The following ITPRID2 variants were observed in gnomAD, a reference collection of about 807,000 sequenced individuals.
ITPRID2 encodes the protein protein ITPRID2.
A neutral mutation model predicts 124.3 loss-of-function variants in ITPRID2; 60 were observed. The ratio of observed to expected loss-of-function variants is 0.48; its 90% CI spans 0.39 to 0.60. The LOEUF (loss-of-function observed/expected upper bound fraction) is 0.60. Among genes scored for constraint, ITPRID2 ranks in the 20% least tolerant of loss-of-function variants. The pLI is 0.00. For synonymous variants in ITPRID2, 521 were observed against 542.9 expected (o/e 0.96, Z 0.56); for missense variants, 1,553 against 1,512.2 (o/e 1.03, Z -0.45).
intron 7 of ITPRID2, among the ~76,000 whole-genome samples, chr2:181,901,383 A>T (rs796769326): frequency 2.6e-5 from 4 of 152,312 alleles, no homozygotes; most frequent in African/African-American, 9.6e-5. Context: ...TCACCCTGCA[A>T]ATTAGGTATA....
Position 181,901,797 on chromosome 2 carries a change from T to C in ITPRID2, c.744T>C (p.Thr248=), listed in dbSNP as rs1327676337. Residue 248 remains threonine, a synonymous_variant, in exon 8 of 18, where the codon ACT becomes ACC. Coordinates refer to ENST00000431877, the MANE Select transcript of ITPRID2 (RefSeq NM_001130445.3). ...TTCGTCAAATTGAAGTGCTTACTACTGTGGCCAATGCGTTTTCTTCTTTAT... is the reference window on the plus strand; with the variant it reads ...TTCGTCAAATTGAAGTGCTTACTACCGTGGCCAATGCGTTTTCTTCTTTAT... The part of the protein sequence containing the change: ...SRFRQIEVLT[T]VANAFSSLYS... The C allele has an allele frequency of 2.5e-6, 4 of 1,613,180 alleles. No individual in the cohort carries two copies. The highest frequency in any genetic ancestry group is 3.4e-6 in the Non-Finnish European group (4 of 1,179,578).
chr2:181,894,893 A>G (rs1383550845), intron 2 of ITPRID2, among the ~76,000 whole-genome samples: 1 of 152,158 alleles, frequency 6.6e-6, no homozygotes, highest in Non-Finnish European at 1.5e-5. Flanking sequence ...CAGTAGAGAC[A>G]TCTGTGGACA....
Position 181,892,936 on chromosome 2 carries a change from T to C in ITPRID2, c.257+276T>C, listed in dbSNP as rs1691884867. 1.8e-6 allele frequency: 1 copy of C among 541,328 alleles called. No homozygotes were observed. The highest frequency in any genetic ancestry group is 1.9e-5 in the African/African-American group (1 of 53,182). The allele number at this position is 541,328 out of a possible 1,614,324, so 33.5% of individuals were successfully genotyped here. On this transcript the variant is annotated intron_variant, in intron 2 of 17. Coordinates refer to ENST00000431877, the MANE Select transcript of ITPRID2 (RefSeq NM_001130445.3). This position sits in a 1 kb window ranked among gnomAD's most constrained non-coding sequence, Gnocchi z 5.2. Reference sequence around the variant, plus strand: ...ATCAGAAATCCAGAACAGATAATCATGCCATATTTGTTCTGTTTTTATTTG... The same window carrying C: ...ATCAGAAATCCAGAACAGATAATCACGCCATATTTGTTCTGTTTTTATTTG...
chr2:181,929,450 T>C lies in ITPRID2; in HGVS notation c.*14-111T>C, dbSNP rs143563789. The C allele has an allele frequency of 4.6e-3, 2,892 of 623,862 alleles. 20 individuals carry two copies. Among genetic ancestry groups the C allele is most frequent in the Non-Finnish European group, 5.9e-3 (2,147 of 365,070 alleles). The allele number at this position is 623,862 out of a possible 1,614,324, so 38.6% of individuals were successfully genotyped here. Reference sequence around the variant, plus strand: ...AAGATGTATAGAGATTACAGGATAATCATGTTTCTGTGTATATATATTTGC... The same window carrying C: ...AAGATGTATAGAGATTACAGGATAACCATGTTTCTGTGTATATATATTTGC... On this transcript the variant is annotated intron_variant, in intron 17 of 17. Transcript: ENST00000431877.
chr2:181,900,801 A>T lies in ITPRID2; in HGVS notation c.609A>T (p.Arg203Ser). 6.2e-7 allele frequency: 1 copy of T among 1,613,294 alleles called. No individual in the cohort carries two copies. Among genetic ancestry groups the T allele is most frequent in the Non-Finnish European group, 8.5e-7 (1 of 1,179,626 alleles). The change falls in exon 7 of 18, where the codon AGA (arginine) becomes AGT (serine). Residue 203 changes from arginine (R) to serine (S), a missense_variant. By Grantham distance (110) the Arg-to-Ser change is moderately radical. Coordinates refer to ENST00000431877, the MANE Select transcript of ITPRID2 (RefSeq NM_001130445.3). ...EPDIASKIPS[R>S]FFNSSSFAKG... ...ATATTGCTTCTAAAATTCCTTCCAG[A>T]TTTTTTAATTCATCATCCTTTGCCA...
At chr2:181,920,461 A>G in intron 14 of ITPRID2, 136 bp from the exon 15 acceptor site, 1 of 544,038 alleles carries the variant, frequency 1.8e-6, no homozygotes, top group Non-Finnish European at 3.0e-6. Context: ...GGATGCTTCC[A>G]GGCACTAATT....
At chr2:181,898,406 T>C (rs1692385003) in intron 4 of ITPRID2, among the ~76,000 whole-genome samples, 1 of 152,046 alleles carries the variant, frequency 6.6e-6, no homozygotes, top group Non-Finnish European at 1.5e-5. Context: ...TTTCATGTTA[T>C]ATGTGTGAAA....
At position 181,919,266 on chromosome 2, in the gene ITPRID2, C is replaced by G. The variant is rs1181501716; in HGVS notation, c.2994-30C>G. The G allele has an allele frequency of 1.9e-6, 3 of 1,609,936 alleles. No individual in the cohort carries two copies. In the African/African-American group the frequency reaches 4.0e-5, roughly 22 times the overall value. Reference sequence around the variant, plus strand: ...TTAGGAATCTCCAAACTGCATTTTTCCAATTTTGTGCCCTTCACCATACCA... The same window carrying G: ...TTAGGAATCTCCAAACTGCATTTTTGCAATTTTGTGCCCTTCACCATACCA... On this transcript the variant is annotated intron_variant, in intron 13 of 17. Transcript: ENST00000431877. The surrounding 1 kb of genome is among the most constrained non-coding windows in gnomAD (Gnocchi z 4.2).
chr2:181,900,669 T>C, intron 6 of ITPRID2, 27 bp from the exon 7 acceptor site: 1 of 1,502,272 alleles, frequency 6.7e-7, no homozygotes, highest in Non-Finnish European at 9.1e-7. Flanking sequence ...ATTTTCATGT[T>C]TCCTTTTTTG....
rs1317090234 is a variant in ITPRID2, at chr2:181,905,814, TTAAAA to T, written c.1413+3352_1413+3356del. 1.3e-5 allele frequency among the ~76,000 whole-genome samples: 2 copies of T among 152,316 alleles called. No homozygotes were observed. The highest frequency in any genetic ancestry group is 2.4e-5 in the African/African-American group (1 of 41,570). ...ATTTTTCTATGTTTATTGGTCTGAGTTAAAATAATCCCACATCAGTCAGATATTTG... is the reference window on the plus strand; with the variant it reads ...ATTTTTCTATGTTTATTGGTCTGAGTTAATCCCACATCAGTCAGATATTTG... On this transcript the variant is annotated intron_variant, in intron 8 of 17. Transcript: ENST00000431877. This position sits in a 1 kb window ranked among gnomAD's most constrained non-coding sequence, Gnocchi z 4.1.
intron 16 of ITPRID2, among the ~76,000 whole-genome samples, chr2:181,923,126 A>G (rs1391991691): frequency 6.6e-6 from 1 of 152,230 alleles, no homozygotes; most frequent in Non-Finnish European, 1.5e-5. Context: ...AGAACTGCAA[A>G]AGGAAATTAC....
intron 17 of ITPRID2, among the ~76,000 whole-genome samples, chr2:181,928,847 C>T (rs982881856): frequency 6.6e-6 from 1 of 151,952 alleles, no homozygotes; most frequent in Non-Finnish European, 1.5e-5. Flanking sequence ...GGGATGGTCT[C>T]GATCTCCTGA....
rs761312508 is a variant in ITPRID2 at position 181,913,926 on chromosome 2, A to G, written c.1568A>G (p.His523Arg). 7.3e-5 allele frequency: 117 copies of G among 1,611,444 alleles called. No individual in the cohort carries two copies. The highest frequency in any genetic ancestry group is 9.7e-5 in the Non-Finnish European group (114 of 1,179,082). ...EDSTDCLSLN[H>R]LQVQESLQAM... ...TCTACAGACTGCCTATCCCTTAATC[A>G]TCTTCAGGTAAAATTTTCTGTTCTA... The change falls in exon 10 of 18, where the codon CAT becomes CGT. Residue 523 changes from histidine to arginine, a missense_variant. Physicochemically the swap from His to Arg is conservative, Grantham distance 29. Coordinates refer to ENST00000431877, the MANE Select transcript of ITPRID2 (RefSeq NM_001130445.3).
intron 2 of ITPRID2, among the ~76,000 whole-genome samples, chr2:181,895,377 C>T (rs1237637270): frequency 2.0e-5 from 3 of 152,008 alleles, no homozygotes; most frequent in African/African-American, 7.2e-5. Context: ...AATGGCTAAT[C>T]TTAATGTTGA....
rs556067486 is a variant in ITPRID2 at position 181,918,854 on chromosome 2, G to C, written c.2965G>C (p.Val989Leu). ...ELAMLRQQTM[V>L]YHHMTEEERF... ...GGCAATGCTGCGTCAGCAAACCATG[G>C]TTTATCATCATATGACTGAGGAGGA... is the stretch of plus-strand genomic sequence containing the variant. The change falls in exon 13 of 18, where the codon GTT becomes CTT. Residue 989 changes from valine to leucine, a missense_variant. Physicochemically the swap from Val to Leu is conservative, Grantham distance 32. Coordinates refer to ENST00000431877, the MANE Select transcript of ITPRID2 (RefSeq NM_001130445.3). 1 of 1,614,156 alleles carries C rather than the reference G, an allele frequency of 6.2e-7. No homozygotes were observed. The highest frequency in any genetic ancestry group is 2.2e-5 in the East Asian group (1 of 44,870).
rs529211171 is a variant in ITPRID2 at position 181,925,564 on chromosome 2, T to C, written c.3676-2597T>C. On this transcript the variant is annotated intron_variant, in intron 16 of 17. Transcript: ENST00000431877. ...TCTGCTTTCTCTTCCTTTTTGTGTCTGATATTGTCTCTCACCCTTGTGCTT... is the reference window on the plus strand; with the variant it reads ...TCTGCTTTCTCTTCCTTTTTGTGTCCGATATTGTCTCTCACCCTTGTGCTT... Among the ~76,000 whole-genome samples, 12 of 152,346 alleles carry C rather than the reference T, an allele frequency of 7.9e-5. No homozygotes were observed. In the South Asian group the frequency reaches 2.5e-3, roughly 32 times the overall value.
chr2:181,905,065 T>G lies in ITPRID2; in HGVS notation c.1413+2599T>G, dbSNP rs193267934. On this transcript the variant is annotated intron_variant, in intron 8 of 17. Coordinates refer to ENST00000431877, the MANE Select transcript of ITPRID2 (RefSeq NM_001130445.3). This position sits in a 1 kb window ranked among gnomAD's most constrained non-coding sequence, Gnocchi z 4.1. ...ATAACGATGTTTTTTCTTTTTTTTT[T>G]TTTTTTGAGACGGAGTCGCGCATTG... is the stretch of plus-strand genomic sequence containing the variant. 1.3e-5 allele frequency among the ~76,000 whole-genome samples: 2 copies of G among 151,610 alleles called. No individual in the cohort carries two copies. Among genetic ancestry groups the G allele is most frequent in the East Asian group, 1.9e-4 (1 of 5,178 alleles).
intron 16 of ITPRID2, among the ~76,000 whole-genome samples, chr2:181,925,534 G>C (rs1191423774): frequency 1.3e-5 from 2 of 152,040 alleles, no homozygotes; most frequent in Admixed American, 6.6e-5. Context: ...GTCTGCTTTC[G>C]TTTTTCTGCT....
rs745832207 is a variant in ITPRID2 at position 181,896,869 on chromosome 2, A to G, written c.308-39A>G. The G allele has an allele frequency of 6.5e-7, 1 of 1,548,490 alleles. No homozygotes were observed. The highest frequency in any genetic ancestry group is 8.9e-7 in the Non-Finnish European group (1 of 1,121,166). ...GTGATTTTATATGAGGGTGGAGAGG[A>G]ACAGAACACCAGGATGAGTTTTCAA... On this transcript the variant is annotated intron_variant, in intron 3 of 17. Coordinates refer to ENST00000431877, the MANE Select transcript of ITPRID2 (RefSeq NM_001130445.3). The surrounding 1 kb of genome is among the most constrained non-coding windows in gnomAD (Gnocchi z 4.3).
Sources: allele counts gnomAD v4.1 joint callset (sites outside exome capture counted in the v4.1 genomes callset), GRCh38; gene constraint gnomAD v4.1.1; non-coding constraint Gnocchi (gnomAD v3.1); transcripts MANE v1.5; gene names NCBI Gene and HGNC (gene_info 2026-07-23, HGNC 2026-07-21).